Variants in GPR63 observed in about 807,000 individuals in gnomAD.
GPR63 encodes G protein-coupled receptor 63, also known as probable G protein-coupled receptor 63.
A neutral mutation model predicts 23.1 loss-of-function variants in GPR63; 12 were observed. That is an observed-to-expected ratio of 0.52 (90% CI 0.33 to 0.84). The LOEUF is 0.84. GPR63 is among the 40% of genes least tolerant of loss of function. GPR63 has a pLI of 0.02. For missense variants in GPR63, 472 were observed against 515.6 expected, an observed-to-expected ratio of 0.92 and a Z score of 0.82; for synonymous variants, 172 against 191.1, an observed-to-expected ratio of 0.90 and a Z score of 0.82.
At chr6:96,819,744 A>G (rs1582267385) in intron 1 of GPR63, among the ~76,000 whole-genome samples, 1 of 150,042 alleles carries the variant, frequency 6.7e-6, no homozygotes, top group Non-Finnish European at 1.5e-5. Context: ...ACAAAAAAAC[A>G]AAAAAAAACG....
At chr6:96,803,235 TA>T (rs1341215376) in intron 1 of GPR63, among the ~76,000 whole-genome samples, 2 of 152,142 alleles carry the variant, frequency 1.3e-5, no homozygotes, top group Non-Finnish European at 2.9e-5. Context: ...AGGCTGTAAC[TA>T]AACTGCCACA....
At chr6:96,815,824 A>G (rs1774150244) in intron 1 of GPR63, among the ~76,000 whole-genome samples, 1 of 152,212 alleles carries the variant, frequency 6.6e-6, no homozygotes, top group Non-Finnish European at 1.5e-5. Context: ...CAATAACTAG[A>G]CAAACTTTCA....
intron 1 of GPR63, among the ~76,000 whole-genome samples, chr6:96,817,954 A>G (rs899637111): frequency 2.0e-5 from 3 of 151,372 alleles, no homozygotes; most frequent in Non-Finnish European, 4.4e-5. Flanking sequence ...AACTTCAAAA[A>G]GTTTATGAAA....
chr6:96,814,091 C>T (rs968105043), intron 1 of GPR63, among the ~76,000 whole-genome samples: 1 of 152,074 alleles, frequency 6.6e-6, no homozygotes, highest in Non-Finnish European at 1.5e-5. Flanking sequence ...TTCAATGGTA[C>T]TCAGAAAATA....
chr6:96,826,701 A>AT (rs1477630087), intron 1 of GPR63, among the ~76,000 whole-genome samples: 1 of 152,146 alleles, frequency 6.6e-6, no homozygotes, highest in Non-Finnish European at 1.5e-5. Flanking sequence ...GAAGACCTCA[A>AT]TGGCAACCAG....
chr6:96,809,085 A>T (rs961673723), intron 1 of GPR63, among the ~76,000 whole-genome samples: 1 of 151,466 alleles, frequency 6.6e-6, no homozygotes, highest in Admixed American at 6.6e-5. Context: ...TTTTGACTGT[A>T]TCTCTACACT....
At chr6:96,825,774 TAATC>T (rs1360164999) in intron 1 of GPR63, among the ~76,000 whole-genome samples, 1 of 152,078 alleles carries the variant, frequency 6.6e-6, no homozygotes, top group Non-Finnish European at 1.5e-5. Flanking sequence ...TCCCCAAAAA[TAATC>T]AAGCTAATTA....
chr6:96,819,917 A>C (rs1384995005), intron 1 of GPR63, among the ~76,000 whole-genome samples: 1 of 141,370 alleles, frequency 7.1e-6, no homozygotes, highest in African/African-American at 2.6e-5. Context: ...CGGAGCTTGC[A>C]GTGAGCTGAT....
chr6:96,812,856 A>C (rs1391144916), intron 1 of GPR63, among the ~76,000 whole-genome samples: 7 of 152,102 alleles, frequency 4.6e-5, no homozygotes, highest in Non-Finnish European at 1.0e-4. Flanking sequence ...GAACATTTCA[A>C]GTTCTCTCTT....
chr6:96,804,521 A>C (rs1385842300), intron 1 of GPR63, among the ~76,000 whole-genome samples: 2 of 151,972 alleles, frequency 1.3e-5, no homozygotes, highest in Non-Finnish European at 2.9e-5. Context: ...TTTTTTGTTT[A>C]CTCATTTTAA....
At chr6:96,814,285 C>A (rs1774110329) in intron 1 of GPR63, among the ~76,000 whole-genome samples, 1 of 152,034 alleles carries the variant, frequency 6.6e-6, no homozygotes, top group Non-Finnish European at 1.5e-5. Context: ...AGGATTGGAA[C>A]TCAGGTAAAA....
chr6:96,797,076 G>T lies in GPR63; in HGVS notation c.*1396C>A, dbSNP rs1582239747. 1 of 152,036 alleles carries T rather than the reference G, an allele frequency of 6.6e-6. No individual in the cohort carries two copies. The highest frequency in any genetic ancestry group is 2.4e-5 in the African/African-American group (1 of 41,376). 9.4% of individuals were successfully genotyped at this position (152,036 alleles called of 1,614,324 possible). A position where few individuals can be genotyped will look rare whatever the true frequency, so the allele number is the denominator to read the frequency against. On this transcript the variant is annotated 3_prime_UTR_variant, in exon 2 of 2. Coordinates refer to ENST00000229955, the MANE Select transcript of GPR63 (RefSeq NM_030784.4). The stretch of plus-strand genomic sequence containing the variant: ...AAAATACAAAAAAATAGCTGGGTGT[G>T]GTGGCACACACCTGTGTGTGCGTGT...
intron 1 of GPR63, among the ~76,000 whole-genome samples, chr6:96,813,743 T>C (rs533472860): frequency 6.6e-6 from 1 of 152,290 alleles, no homozygotes; most frequent in African/African-American, 2.4e-5. Flanking sequence ...GTCCCCTACA[T>C]AGTCTTTAGT....
chr6:96,822,274 G>A (rs905342640), intron 1 of GPR63, among the ~76,000 whole-genome samples: 2 of 152,010 alleles, frequency 1.3e-5, no homozygotes, highest in Admixed American at 6.6e-5. Context: ...TTGGTGAAGA[G>A]CAATGTTGAC....
rs755467875 is a variant in GPR63 at position 96,799,442 on chromosome 6, A to C, written c.290T>G (p.Leu97Arg). 1 of 1,614,166 alleles carries C rather than the reference A, an allele frequency of 6.2e-7. No individual in the cohort carries two copies. Among genetic ancestry groups the C allele is most frequent in the South Asian group, 1.1e-5 (1 of 91,080 alleles). The change falls in exon 2 of 2, where the codon CTT becomes CGT. Residue 97 changes from leucine (L) to arginine (R), a missense_variant. By Grantham distance (102) the Leu-to-Arg change is moderately radical. Transcript: ENST00000229955. ...IMIFILFVSFLGNLVVCLMVY... is the reference protein window; with the variant it reads ...IMIFILFVSFRGNLVVCLMVY... ...CATGAGGCAAACAACCAAGTTCCCA[A>C]GAAAAGACACAAACAGAATGAATAT...
At chr6:96,821,656 T>C (rs1385679896) in intron 1 of GPR63, among the ~76,000 whole-genome samples, 1 of 152,226 alleles carries the variant, frequency 6.6e-6, no homozygotes, top group Non-Finnish European at 1.5e-5. Context: ...AATAACACTT[T>C]TTGTTGCTGA....
chr6:96,831,696 C>T (rs1267950856), intron 1 of GPR63, among the ~76,000 whole-genome samples: 2 of 151,988 alleles, frequency 1.3e-5, no homozygotes, highest in Non-Finnish European at 2.9e-5. Flanking sequence ...CACTAGAGGT[C>T]AGGAGTTCAA....
rs1413474362 is a variant in GPR63, at chr6:96,799,648, A to G, written c.84T>C (p.Asn28=). ...GCTGGAATGGTGGAGGGAGTGTAAT[A>G]TTCATGTAGGTGTTTTCATACACGA... ...TFVVYENTYM[N]ITLPPPFQHP... Residue 28 remains asparagine, a synonymous_variant, in exon 2 of 2, where the codon AAT becomes AAC. Transcript: ENST00000229955. The G allele has an allele frequency of 5.6e-6, 9 of 1,614,140 alleles. No individual in the cohort carries two copies. Among genetic ancestry groups the G allele is most frequent in the Non-Finnish European group, 7.6e-6 (9 of 1,180,006 alleles).
At chr6:96,806,765 G>A (rs1346264484) in intron 1 of GPR63, among the ~76,000 whole-genome samples, 1 of 152,194 alleles carries the variant, frequency 6.6e-6, no homozygotes, top group Non-Finnish European at 1.5e-5. Context: ...TCAGTTACAT[G>A]AGCAAGTGGC....
Sources: allele counts gnomAD v4.1 joint callset (sites outside exome capture counted in the v4.1 genomes callset), GRCh38; gene constraint gnomAD v4.1.1; transcripts MANE v1.5; gene names NCBI Gene and HGNC (gene_info 2026-07-23, HGNC 2026-07-21).